Variants in TSPEAR observed in about 807,000 individuals in gnomAD.
TSPEAR encodes thrombospondin-type laminin G domain and EAR repeat-containing protein.
In TSPEAR, 69 loss-of-function variants were observed where a neutral mutation model predicts 71.6. The observed-to-expected ratio is 0.96, with a 90% CI of 0.79 to 1.18. TSPEAR has a LOEUF of 1.18. Among genes scored for constraint, TSPEAR ranks in the 50% most tolerant of loss-of-function variants. TSPEAR has a pLI of 0.00. For missense variants in TSPEAR, 971 were observed against 894.9 expected (o/e 1.09, Z -1.09); for synonymous variants, 402 against 387.2 (o/e 1.04, Z -0.45).
chr21:44,535,913 A>G (rs369610332), intron 2 of TSPEAR, among the ~76,000 whole-genome samples: 6,282 of 143,240 alleles, frequency 0.044, 487 homozygotes, highest in African/African-American at 0.16. Context: ...AAAAAAAGGA[A>G]AAAAGAAAAA....
At chr21:44,604,305 A>C (rs971649558) in intron 1 of TSPEAR, among the ~76,000 whole-genome samples, 12 of 152,258 alleles carry the variant, frequency 7.9e-5, no homozygotes, top group African/African-American at 2.4e-4. Flanking sequence ...ACAGTATGTA[A>C]CAAAAGATTC....
chr21:44,593,901 G>GACC lies in TSPEAR; in HGVS notation c.83-25899_83-25897dup, dbSNP rs1264258872. 6.6e-6 allele frequency among the ~76,000 whole-genome samples: 1 copy of GACC among 152,206 alleles called. No individual in the cohort carries two copies. Among genetic ancestry groups the GACC allele is most frequent in the African/African-American group, 2.4e-5 (1 of 41,456 alleles). ...CCAACTGACCACGTTCCACAGCCAT[G>GACC]ACCACAGCTCTGACTGGGCAGGAGA... On this transcript the variant is annotated intron_variant, in intron 1 of 11. Transcript: ENST00000323084. This position sits in a 1 kb window ranked among gnomAD's most constrained non-coding sequence, Gnocchi z 5.9.
At chr21:44,617,072 C>T (rs1982148893) in intron 1 of TSPEAR, among the ~76,000 whole-genome samples, 1 of 152,100 alleles carries the variant, frequency 6.6e-6, no homozygotes, top group South Asian at 2.1e-4. Context: ...CACTCACTCA[C>T]CCACTCACTC....
chr21:44,499,181 TGCATTTAC>T lies in TSPEAR; in HGVS notation c.*594_*601del, dbSNP rs2051979978. On this transcript the variant is annotated 3_prime_UTR_variant, in exon 12 of 12. Coordinates refer to ENST00000323084, the MANE Select transcript of TSPEAR (RefSeq NM_144991.3). ...CTTGTGATTTCTGACCTCGCGCTAG[TGCATTTAC>T]GGGTAAACTGAGGCTGGGAGGGAAG... 1 of 152,192 alleles carries T rather than the reference TGCATTTAC, an allele frequency of 6.6e-6. No individual in the cohort carries two copies. The highest frequency in any genetic ancestry group is 1.5e-5 in the Non-Finnish European group (1 of 68,066). The allele number at this position is 152,192 out of a possible 1,614,324, so 9.4% of individuals were successfully genotyped here.
chr21:44,539,705 G>C, intron 2 of TSPEAR: 1 of 1,595,552 alleles, frequency 6.3e-7, no homozygotes, highest in Non-Finnish European at 8.5e-7. Context: ...ATAGCACACA[G>C]GCTTGCAGCA....
intron 1 of TSPEAR, chr21:44,676,722 A>G: frequency 1.3e-6 from 1 of 778,766 alleles, no homozygotes; most frequent in Non-Finnish European, 2.4e-6. Flanking sequence ...TCTCCATGGC[A>G]TCTCTGACTT....
intron 1 of TSPEAR, among the ~76,000 whole-genome samples, chr21:44,707,285 G>A (rs1555952582): frequency 1.4e-5 from 2 of 142,292 alleles, no homozygotes. Flanking sequence ...AGATGGGGGT[G>A]GGGAAAGGAC....
Position 44,696,790 on chromosome 21 carries a change from T to G in TSPEAR, c.82+14643A>C, listed in dbSNP as rs189856358. On this transcript the variant is annotated intron_variant, in intron 1 of 11. Transcript: ENST00000323084. ...ACGCAGAGGCTGGGCTCCAGCCCAT[T>G]GGCCGGCTCCCTCCACGGCCCCACG... 5.2e-3 allele frequency among the ~76,000 whole-genome samples: 794 copies of G among 152,288 alleles called. 10 individuals carry two copies. The highest frequency in any genetic ancestry group is 0.018 in the African/African-American group (766 of 41,552).
At chr21:44,635,162 T>C (rs1457681229) in intron 1 of TSPEAR, among the ~76,000 whole-genome samples, 1 of 151,938 alleles carries the variant, frequency 6.6e-6, no homozygotes, top group Non-Finnish European at 1.5e-5. Flanking sequence ...CTGGCCAACA[T>C]GGTGAAACCC....
intron 1 of TSPEAR, among the ~76,000 whole-genome samples, chr21:44,679,991 G>T (rs1211238678): frequency 4.6e-5 from 7 of 152,076 alleles, no homozygotes; most frequent in African/African-American, 1.7e-4. Flanking sequence ...ACAGTTTATG[G>T]CTAAGACTAC....
chr21:44,589,845 C>T (rs1461285675), intron 1 of TSPEAR, among the ~76,000 whole-genome samples: 5 of 152,356 alleles, frequency 3.3e-5, no homozygotes, highest in South Asian at 4.1e-4. Context: ...GGCTCAGACA[C>T]GCATGTGTGG....
intron 1 of TSPEAR, chr21:44,573,910 C>A: frequency 6.2e-7 from 1 of 1,612,846 alleles, no homozygotes; most frequent in Non-Finnish European, 8.5e-7. Flanking sequence ...GCCCCGGCCC[C>A]CTGCCTGAGC....
intron 1 of TSPEAR, among the ~76,000 whole-genome samples, chr21:44,689,179 G>A (rs1481688207): frequency 1.3e-5 from 2 of 152,152 alleles, no homozygotes; most frequent in African/African-American, 2.4e-5. Context: ...ACTGCACCCA[G>A]GGGAAACCAA....
chr21:44,580,242 G>T (rs782717684), intron 1 of TSPEAR: 6 of 1,613,666 alleles, frequency 3.7e-6, no homozygotes, highest in African/African-American at 1.3e-5. Flanking sequence ...CAGCTAGACT[G>T]CTGGCAGCAT....
intron 3 of TSPEAR, among the ~76,000 whole-genome samples, chr21:44,533,290 T>G (rs2053010517): frequency 1.3e-5 from 2 of 152,196 alleles, no homozygotes; most frequent in Admixed American, 6.5e-5. Context: ...CCACAGATGG[T>G]GAGCCTGCCT....
chr21:44,570,914 G>C (rs1352174746), intron 1 of TSPEAR, among the ~76,000 whole-genome samples: 1 of 152,176 alleles, frequency 6.6e-6, no homozygotes, highest in Non-Finnish European at 1.5e-5. Flanking sequence ...CCAATTCCTT[G>C]ATAGGCGCAA....
chr21:44,676,656 T>G (rs1986327265), intron 1 of TSPEAR: 1 of 769,588 alleles, frequency 1.3e-6, no homozygotes, highest in Non-Finnish European at 2.4e-6. Flanking sequence ...TAAGGACATC[T>G]CACAAGTGAT....
intron 1 of TSPEAR, among the ~76,000 whole-genome samples, chr21:44,668,912 T>C (rs1402403312): frequency 2.0e-5 from 3 of 152,160 alleles, no homozygotes; most frequent in Admixed American, 6.5e-5. Context: ...AGAATCTCAG[T>C]AGGGAAATTG....
chr21:44,542,606 C>T lies in TSPEAR; in HGVS notation c.304-8683G>A, dbSNP rs2053238395. 2.0e-5 allele frequency among the ~76,000 whole-genome samples: 3 copies of T among 151,582 alleles called. No individual in the cohort carries two copies. The South Asian group carries it at 6.3e-4, about 32-fold the overall frequency. ...CTACAAAAAATATGAAAAGTTGGCCCACTTTGGTGGTACATTTGTAGTCCC... is the reference window on the plus strand; with the variant it reads ...CTACAAAAAATATGAAAAGTTGGCCTACTTTGGTGGTACATTTGTAGTCCC... On this transcript the variant is annotated intron_variant, in intron 2 of 11. Transcript: ENST00000323084.
Sources: gnomAD v4.1 joint callset for allele counts (sites outside exome capture counted in the v4.1 genomes callset) on GRCh38, gnomAD v4.1.1 for gene constraint, Gnocchi (gnomAD v3.1) non-coding constraint, MANE v1.5 for transcripts, NCBI Gene and HGNC (gene_info 2026-07-23, HGNC 2026-07-21) for gene names.